PTPRK: variants seen among roughly 807,000 people sequenced by gnomAD.
PTPRK encodes protein tyrosine phosphatase receptor type K.
PTPRK carries 75 observed loss-of-function variants against 178.0 expected under a neutral mutation model. The observed-to-expected ratio is 0.42, with a 90% confidence interval of 0.35 to 0.51. The LOEUF (loss-of-function observed/expected upper bound fraction) is 0.51, where lower values mean the gene tolerates loss of function less well. PTPRK is among the 20% of genes least tolerant of loss of function. The pLI, the probability that PTPRK is intolerant of heterozygous loss-of-function variation, is 0.02. For synonymous variants in PTPRK, 637 were observed against 620.6 expected (o/e 1.03, Z -0.39); for missense variants, 1,441 against 1,797.8 (o/e 0.80, Z 3.59).
At chr6:128,514,995 C>T (rs1297997700) in intron 1 of PTPRK, among the ~76,000 whole-genome samples, 1 of 152,220 alleles carries the variant, frequency 6.6e-6, no homozygotes, top group Non-Finnish European at 1.5e-5. Context: ...TGTGAAACTA[C>T]GTTTCTTTAG....
chr6:128,379,595 A>C (rs1837589831), intron 2 of PTPRK, among the ~76,000 whole-genome samples: 1 of 152,232 alleles, frequency 6.6e-6, no homozygotes, highest in Admixed American at 6.5e-5. Context: ...CCAGAGCCTC[A>C]GTCTTCCAAG....
chr6:128,019,540 GAA>G (rs11321571), intron 13 of PTPRK, among the ~76,000 whole-genome samples: 53 of 146,742 alleles, frequency 3.6e-4, no homozygotes, highest in Middle Eastern at 3.6e-3. Flanking sequence ...GAAGCAAAAA[GAA>G]AAAAAAAAAA....
intron 2 of PTPRK, among the ~76,000 whole-genome samples, chr6:128,336,296 C>T (rs991858573): frequency 4.0e-5 from 6 of 151,784 alleles, no homozygotes; most frequent in Admixed American, 3.9e-4. Context: ...TGGGTAAACA[C>T]AAACATTGAG....
chr6:128,474,254 G>A (rs1158392952), intron 1 of PTPRK, among the ~76,000 whole-genome samples: 1 of 151,988 alleles, frequency 6.6e-6, no homozygotes, highest in Non-Finnish European at 1.5e-5. Context: ...TTAAAGCAGA[G>A]GTGACATCAC....
chr6:128,362,480 CATA>C (rs1371665466), intron 2 of PTPRK, among the ~76,000 whole-genome samples: 1 of 152,116 alleles, frequency 6.6e-6, no homozygotes, highest in Non-Finnish European at 1.5e-5. Flanking sequence ...GGCACACAGA[CATA>C]ATAAGATCAT....
intron 3 of PTPRK, among the ~76,000 whole-genome samples, chr6:128,273,529 T>C (rs1194494820): frequency 1.3e-5 from 2 of 152,126 alleles, no homozygotes; most frequent in Non-Finnish European, 2.9e-5. Flanking sequence ...CTAAACAACC[T>C]ACTGAGATCC....
At chr6:128,401,148 C>T (rs1840961696) in intron 1 of PTPRK, among the ~76,000 whole-genome samples, 1 of 152,096 alleles carries the variant, frequency 6.6e-6, no homozygotes, top group South Asian at 2.1e-4. Context: ...GATCTATCAC[C>T]GAAATGGTCT....
intron 3 of PTPRK, among the ~76,000 whole-genome samples, chr6:128,286,921 G>C (rs1300058845): frequency 2.0e-5 from 3 of 151,992 alleles, no homozygotes; most frequent in Non-Finnish European, 1.5e-5. Context: ...CTGGCTGATG[G>C]GAGTGCCAAC....
At chr6:128,050,330 C>T (rs892559634) in intron 13 of PTPRK, among the ~76,000 whole-genome samples, 2 of 152,152 alleles carry the variant, frequency 1.3e-5, no homozygotes, top group African/African-American at 4.8e-5. Context: ...ACGTATTCTC[C>T]TTTTTGCTTT....
chr6:128,098,815 T>A (rs1451838447), intron 7 of PTPRK, among the ~76,000 whole-genome samples: 3 of 152,136 alleles, frequency 2.0e-5, no homozygotes, highest in Non-Finnish European at 2.9e-5. Flanking sequence ...AGAAAACACT[T>A]ATTAAGTGCT....
intron 1 of PTPRK, among the ~76,000 whole-genome samples, chr6:128,485,791 T>C (rs1852750223): frequency 6.6e-6 from 1 of 152,228 alleles, no homozygotes; most frequent in African/African-American, 2.4e-5. Flanking sequence ...GCTGGAAATA[T>C]GTTATTAAGT....
chr6:128,448,976 C>T (rs1007391152), intron 1 of PTPRK, among the ~76,000 whole-genome samples: 4 of 152,118 alleles, frequency 2.6e-5, no homozygotes, highest in South Asian at 2.1e-4. Flanking sequence ...TCTCCTGCCT[C>T]AGCCTCCTGA....
chr6:128,447,253 T>C (rs1847152136), intron 1 of PTPRK, among the ~76,000 whole-genome samples: 1 of 152,210 alleles, frequency 6.6e-6, no homozygotes, highest in Non-Finnish European at 1.5e-5. Flanking sequence ...ATAAGAGAAA[T>C]CCTAATTTTG....
intron 6 of PTPRK, among the ~76,000 whole-genome samples, chr6:128,199,737 T>C (rs1219172671): frequency 1.3e-5 from 2 of 152,164 alleles, no homozygotes; most frequent in Non-Finnish European, 2.9e-5. Context: ...AAAGCCAGCA[T>C]GTATGGCAAA....
intron 7 of PTPRK, among the ~76,000 whole-genome samples, chr6:128,109,208 G>A (rs892760463): frequency 1.3e-5 from 2 of 152,080 alleles, no homozygotes; most frequent in African/African-American, 2.4e-5. Flanking sequence ...TGAGTCCTAT[G>A]CTTGTCATAC....
In PTPRK at chr6:128,464,674, T is replaced by C. The variant is rs7738730; in HGVS notation, c.100+55585A>G. Reference sequence around the variant, plus strand: ...ATATATATATATATATATATATATATACAACAGATGGTCACACAACAGCTC... The same window carrying C: ...ATATATATATATATATATATATATACACAACAGATGGTCACACAACAGCTC... On this transcript the variant is annotated intron_variant, in intron 1 of 29. Transcript: ENST00000368226. Among the ~76,000 whole-genome samples the C allele has an allele frequency of 2.5e-3, 310 of 124,692 alleles. 3 individuals are homozygous for C. The highest frequency in any genetic ancestry group is 0.012 in the South Asian group (47 of 3,850). 81.8% of individuals were successfully genotyped at this position (124,692 alleles called of 152,430 possible). A position where few individuals can be genotyped will look rare whatever the true frequency, so the allele number is the denominator to read the frequency against.
chr6:128,152,639 G>GT (rs1029029542), intron 7 of PTPRK, among the ~76,000 whole-genome samples: 1 of 151,858 alleles, frequency 6.6e-6, no homozygotes, highest in Non-Finnish European at 1.5e-5. Flanking sequence ...TGAGCAGTGT[G>GT]TGGGTGCTCA....
At chr6:128,174,364 C>G (rs961732052) in intron 7 of PTPRK, among the ~76,000 whole-genome samples, 1 of 151,866 alleles carries the variant, frequency 6.6e-6, no homozygotes, top group African/African-American at 2.4e-5. Context: ...TTTCAGTGCT[C>G]TAACGTTGCC....
chr6:128,085,829 G>A (rs1297375526), intron 8 of PTPRK, among the ~76,000 whole-genome samples: 2 of 152,168 alleles, frequency 1.3e-5, no homozygotes, highest in East Asian at 1.9e-4. Flanking sequence ...ACTACTTGTC[G>A]TGTACTTGGA....
Sources: allele counts gnomAD v4.1 joint callset (sites outside exome capture counted in the v4.1 genomes callset), GRCh38; gene constraint gnomAD v4.1.1; transcripts MANE v1.5; gene names NCBI Gene and HGNC (gene_info 2026-07-23, HGNC 2026-07-21).